Variants in PID1 observed in about 807,000 individuals in gnomAD.
The protein encoded by PID1 is phosphotyrosine interaction domain containing 1, also known as PTB-containing, cubilin and LRP1-interacting protein.
Under a neutral mutation model 19.1 loss-of-function variants are expected in PID1, and 10 were observed. The ratio of observed to expected loss-of-function variants is 0.52; its 90% CI spans 0.32 to 0.89. The LOEUF is 0.89. PID1 is among the 40% of genes least tolerant of loss of function. PID1 has a pLI of 0.03. For synonymous variants in PID1, 130 were observed against 116.0 expected (o/e 1.12, Z -0.78); for missense variants, 248 against 285.3 (o/e 0.87, Z 0.94).
At chr2:229,081,717 T>C (rs951865287) in intron 2 of PID1, among the ~76,000 whole-genome samples, 18 of 152,216 alleles carry the variant, frequency 1.2e-4, no homozygotes, top group Non-Finnish European at 2.9e-5. Flanking sequence ...AAGGTGACTA[T>C]ATCATCAAGG....
At chr2:229,083,970 C>T (rs1185750361) in intron 2 of PID1, among the ~76,000 whole-genome samples, 4 of 152,174 alleles carry the variant, frequency 2.6e-5, no homozygotes, top group Non-Finnish European at 5.9e-5. Flanking sequence ...TTTAACCAGG[C>T]AGTGAAGTTC....
At position 229,106,089 on chromosome 2, in the gene PID1, A is replaced by AAAAAAG. The variant is rs57472647; in HGVS notation, c.177+49728_177+49729insCTTTTT. On this transcript the variant is annotated intron_variant, in intron 2 of 2. Transcript: ENST00000392055. ...AGCGAGATTCCGTCAAAAAAAAAAA[A>AAAAAAG]GGGAAAAGAAGAAGAAAGAAAGAAA... Among the ~76,000 whole-genome samples, 6 of 149,246 alleles carry AAAAAAG rather than the reference A, an allele frequency of 4.0e-5. No individual in the cohort carries two copies. The East Asian group carries it at 7.8e-4, about 19-fold the overall frequency.
intron 1 of PID1, among the ~76,000 whole-genome samples, chr2:229,226,488 A>G (rs1270570914): frequency 6.6e-6 from 1 of 152,192 alleles, no homozygotes; most frequent in Non-Finnish European, 1.5e-5. Context: ...GCACAGGATG[A>G]CACCTCCCAA....
intron 1 of PID1, among the ~76,000 whole-genome samples, chr2:229,238,570 T>C (rs1385715664): frequency 6.6e-6 from 1 of 152,196 alleles, no homozygotes; most frequent in Admixed American, 6.5e-5. Context: ...TCCCTCTCCT[T>C]GATCAAGGTA....
At chr2:229,066,990 G>A (rs926720343) in intron 2 of PID1, among the ~76,000 whole-genome samples, 1 of 152,140 alleles carries the variant, frequency 6.6e-6, no homozygotes, top group Non-Finnish European at 1.5e-5. Flanking sequence ...AAACACCCGA[G>A]ACTGGGTAAT....
intron 1 of PID1, chr2:229,244,845 T>A (rs979234071): frequency 2.6e-5 from 4 of 152,106 alleles, no homozygotes; most frequent in African/African-American, 9.7e-5. Context: ...TACAAAATCC[T>A]CCCTACCTTA....
intron 1 of PID1, among the ~76,000 whole-genome samples, chr2:229,173,182 C>A (rs763799806): frequency 6.6e-6 from 1 of 152,206 alleles, no homozygotes; most frequent in Non-Finnish European, 1.5e-5. Context: ...CTAAACCCAA[C>A]ATAATTCCAA....
chr2:229,164,771 G>C (rs1192586462), intron 1 of PID1, among the ~76,000 whole-genome samples: 2 of 152,154 alleles, frequency 1.3e-5, no homozygotes, highest in African/African-American at 4.8e-5. Context: ...CAGTTTGCAG[G>C]CTGCAGAGCA....
In PID1 at chr2:229,113,787, C is replaced by T. The variant is rs576348148; in HGVS notation, c.177+42031G>A. ...AACCTCAATCAGCTGAACAAGAACA[C>T]GGAAGGTGATGGTTAGTTTTATGTG... On this transcript the variant is annotated intron_variant, in intron 2 of 2. Coordinates refer to ENST00000392055, the MANE Select transcript of PID1 (RefSeq NM_001100818.2). 3.9e-5 allele frequency among the ~76,000 whole-genome samples: 6 copies of T among 152,120 alleles called. No homozygotes were observed. In the East Asian group the frequency reaches 7.7e-4, roughly 20 times the overall value.
At chr2:229,041,738 G>A (rs1693774317) in intron 2 of PID1, among the ~76,000 whole-genome samples, 1 of 152,152 alleles carries the variant, frequency 6.6e-6, no homozygotes. Context: ...TATACACTGT[G>A]AAGAATTCAA....
chr2:229,243,953 T>C (rs1026344392), intron 1 of PID1, among the ~76,000 whole-genome samples: 4 of 152,152 alleles, frequency 2.6e-5, no homozygotes, highest in African/African-American at 9.7e-5. Context: ...CTTATCTTGG[T>C]TTTTGTCAAG....
chr2:229,134,881 T>C (rs1053332972), intron 2 of PID1, among the ~76,000 whole-genome samples: 3 of 152,208 alleles, frequency 2.0e-5, no homozygotes, highest in African/African-American at 4.8e-5. Flanking sequence ...GGTTAATGTA[T>C]ATTACTTTTA....
At chr2:229,194,803 A>G (rs1691337891) in intron 1 of PID1, among the ~76,000 whole-genome samples, 1 of 152,058 alleles carries the variant, frequency 6.6e-6, no homozygotes, top group Admixed American at 6.6e-5. Context: ...TTTTAGAATA[A>G]AACAATTAAC....
chr2:229,114,585 C>T (rs991704475), intron 2 of PID1, among the ~76,000 whole-genome samples: 1 of 152,128 alleles, frequency 6.6e-6, no homozygotes, highest in Non-Finnish European at 1.5e-5. Context: ...CAACTTCATG[C>T]TAAGCATGCC....
At chr2:229,135,140 C>T (rs1689833987) in intron 2 of PID1, among the ~76,000 whole-genome samples, 1 of 152,156 alleles carries the variant, frequency 6.6e-6, no homozygotes, top group South Asian at 2.1e-4. Flanking sequence ...AGGGTCTTGT[C>T]TCAGTAGAGG....
At chr2:229,065,728 A>AC (rs1467051199) in intron 2 of PID1, among the ~76,000 whole-genome samples, 3 of 151,376 alleles carry the variant, frequency 2.0e-5, no homozygotes, top group African/African-American at 7.3e-5. Flanking sequence ...AAAAAAAAAA[A>AC]AAAACAGGTT....
At chr2:229,173,889 G>A (rs1690760211) in intron 1 of PID1, among the ~76,000 whole-genome samples, 1 of 152,152 alleles carries the variant, frequency 6.6e-6, no homozygotes, top group Admixed American at 6.5e-5. Flanking sequence ...CCCTGCAAGT[G>A]GCTTAACTCT....
chr2:229,110,580 T>C (rs1695277684), intron 2 of PID1, among the ~76,000 whole-genome samples: 1 of 152,144 alleles, frequency 6.6e-6, no homozygotes, highest in Non-Finnish European at 1.5e-5. Context: ...CAAACCTTAG[T>C]TTGATATCAG....
intron 1 of PID1, among the ~76,000 whole-genome samples, chr2:229,191,459 A>G (rs905258115): frequency 7.9e-5 from 12 of 152,144 alleles, no homozygotes; most frequent in African/African-American, 2.9e-4. Context: ...GCACAATTCC[A>G]TATACAAAAT....
Sources: allele counts gnomAD v4.1 joint callset (sites outside exome capture counted in the v4.1 genomes callset), GRCh38; gene constraint gnomAD v4.1.1; transcripts MANE v1.5; gene names NCBI Gene and HGNC (gene_info 2026-07-23, HGNC 2026-07-21).